KALRN: variants seen among roughly 807,000 people sequenced by gnomAD.
KALRN encodes the protein kalirin.
KALRN carries 70 observed loss-of-function variants against 353.7 expected under a neutral mutation model. That is an observed-to-expected ratio of 0.20 (90% confidence interval 0.16 to 0.24). The LOEUF (loss-of-function observed/expected upper bound fraction) is 0.24. Ranked by LOEUF, KALRN falls within the 10% of genes least tolerant of loss-of-function variation. KALRN has a pLI of 1.00. For synonymous variants in KALRN, 1,391 were observed against 1,434.8 expected, an observed-to-expected ratio of 0.97 and a Z score of 0.69; for missense variants, 2,791 against 3,756.7, an observed-to-expected ratio of 0.74 and a Z score of 6.72.
At chr3:124,117,372 T>C (rs2149556482) in intron 1 of KALRN, among the ~76,000 whole-genome samples, 1 of 152,150 alleles carries the variant, frequency 6.6e-6, no homozygotes, top group South Asian at 2.1e-4. Flanking sequence ...CAGCAAATTA[T>C]TTTATATTTA....
intron 1 of KALRN, among the ~76,000 whole-genome samples, chr3:124,116,434 G>A (rs750910602): frequency 9.2e-5 from 14 of 152,164 alleles, no homozygotes; most frequent in Non-Finnish European, 1.6e-4. Context: ...CTATCTTACA[G>A]ATCAGGAAAC....
chr3:124,036,462 G>T (rs1294144458), intron 1 of KALRN, among the ~76,000 whole-genome samples: 2 of 151,520 alleles, frequency 1.3e-5, no homozygotes, highest in Non-Finnish European at 2.9e-5. Flanking sequence ...TATCTAGTCT[G>T]CCATTGATGG....
chr3:124,613,184 G>C (rs1303575019), intron 34 of KALRN, among the ~76,000 whole-genome samples: 1 of 114,376 alleles, frequency 8.7e-6, no homozygotes, highest in Non-Finnish European at 1.7e-5. Context: ...TTTGGCAGCA[G>C]AGTGGTTGCC....
At chr3:124,405,187 C>G (rs2091376681) in intron 13 of KALRN, among the ~76,000 whole-genome samples, 2 of 152,280 alleles carry the variant, frequency 1.3e-5, no homozygotes, top group Non-Finnish European at 2.9e-5. Context: ...CTACTATCGT[C>G]CTTTTTTAAA....
intron 1 of KALRN, among the ~76,000 whole-genome samples, chr3:124,113,126 C>T (rs2063145816): frequency 6.6e-6 from 1 of 152,136 alleles, no homozygotes; most frequent in Admixed American, 6.5e-5. Flanking sequence ...TGGGAGGAGG[C>T]TTTGAAATAA....
chr3:124,277,461 C>T (rs189070162), intron 5 of KALRN, among the ~76,000 whole-genome samples: 3 of 152,296 alleles, frequency 2.0e-5, no homozygotes, highest in Non-Finnish European at 4.4e-5. Context: ...TTCCAGCCTG[C>T]TGGTCCTGGG....
At chr3:124,661,824 CTGAG>C (rs780616799) in intron 44 of KALRN, 23 bp from the exon 45 acceptor site, 43 of 1,582,906 alleles carry the variant, frequency 2.7e-5, no homozygotes, top group South Asian at 3.3e-5. Flanking sequence ...GTTCCCCCTC[CTGAG>C]TAACAGTTGT....
chr3:124,245,335 T>C (rs1445831644), intron 3 of KALRN, among the ~76,000 whole-genome samples: 1 of 152,210 alleles, frequency 6.6e-6, no homozygotes, highest in Non-Finnish European at 1.5e-5. Flanking sequence ...TTTTTATGGC[T>C]GAAGAGTACT....
intron 10 of KALRN, among the ~76,000 whole-genome samples, chr3:124,383,927 T>C (rs985174387): frequency 1.1e-4 from 17 of 152,168 alleles, no homozygotes; most frequent in African/African-American, 3.6e-4. Flanking sequence ...TTCGCCACTC[T>C]AGAGTTTTGT....
intron 33 of KALRN, among the ~76,000 whole-genome samples, chr3:124,499,324 T>C (rs1389835630): frequency 6.6e-6 from 1 of 152,230 alleles, no homozygotes; most frequent in African/African-American, 2.4e-5. Flanking sequence ...TCACATTGCA[T>C]AGGTTACTGC....
intron 1 of KALRN, among the ~76,000 whole-genome samples, chr3:124,123,113 T>G (rs1362984833): frequency 2.6e-5 from 4 of 151,238 alleles, no homozygotes; most frequent in African/African-American, 9.7e-5. Context: ...GGCAGGAGAA[T>G]CGCTTGAACA....
rs578051311 is a variant in KALRN, at chr3:124,161,182, C to G, written c.74-66808C>G. 3.3e-5 allele frequency among the ~76,000 whole-genome samples: 5 copies of G among 152,188 alleles called. No individual in the cohort carries two copies. In the South Asian group the frequency reaches 1.0e-3, roughly 32 times the overall value. ...AAAAGTCATACCTCCATCCCTCCCCCAAAAAAGTAATGTACATACAGGACA... is the reference window on the plus strand; with the variant it reads ...AAAAGTCATACCTCCATCCCTCCCCGAAAAAAGTAATGTACATACAGGACA... On this transcript the variant is annotated intron_variant, in intron 1 of 59. Transcript: ENST00000682506.
intron 5 of KALRN, among the ~76,000 whole-genome samples, chr3:124,290,805 C>T (rs1208385168): frequency 1.3e-5 from 2 of 152,056 alleles, no homozygotes; most frequent in African/African-American, 2.4e-5. Context: ...GAGCATTTAA[C>T]AAATCTTAGT....
intron 33 of KALRN, among the ~76,000 whole-genome samples, chr3:124,558,100 AG>A (rs1354597668): frequency 3.3e-5 from 5 of 152,152 alleles, no homozygotes; most frequent in African/African-American, 1.2e-4. Flanking sequence ...TCTTCTAGTT[AG>A]GGCAAAACTC....
chr3:124,428,361 A>G (rs1335253782), intron 15 of KALRN, among the ~76,000 whole-genome samples: 1 of 152,226 alleles, frequency 6.6e-6, no homozygotes, highest in Non-Finnish European at 1.5e-5. Context: ...CACCACCAGT[A>G]CCATCATAAT....
chr3:124,669,066 T>G (rs2086040718), intron 47 of KALRN, among the ~76,000 whole-genome samples: 1 of 152,166 alleles, frequency 6.6e-6, no homozygotes, highest in South Asian at 2.1e-4. Context: ...TTTTACATGG[T>G]TTTTCACATT....
At chr3:124,286,078 CCTTCCTTTCTTTCTTTCTTT>C (rs1275565786) in intron 5 of KALRN, among the ~76,000 whole-genome samples, 43 of 107,014 alleles carry the variant, frequency 4.0e-4, no homozygotes, top group South Asian at 2.0e-3. Context: ...TTCTTTCTTT[CCTTCCTTTCTTTCTTTCTTT>C]CTTTCTTTCT....
chr3:124,585,025 G>A (rs1052757404), intron 34 of KALRN: 92 of 1,257,754 alleles, frequency 7.3e-5, no homozygotes, highest in Non-Finnish European at 9.3e-5. Context: ...GGATGGGGCT[G>A]GGGATCAGGA....
At chr3:124,181,074 TAC>T (rs2073508620) in intron 1 of KALRN, among the ~76,000 whole-genome samples, 1 of 24,546 alleles carries the variant, frequency 4.1e-5, no homozygotes, top group African/African-American at 1.6e-4. Context: ...CTACTAAAAA[TAC>T]AAAAAAAAAA....
Sources: allele counts gnomAD v4.1 joint callset (sites outside exome capture counted in the v4.1 genomes callset), GRCh38; gene constraint gnomAD v4.1.1; transcripts MANE v1.5; gene names NCBI Gene and HGNC (gene_info 2026-07-23, HGNC 2026-07-21).